Variants in ARHGAP21 observed in about 807,000 individuals in gnomAD.
ARHGAP21 encodes rho GTPase-activating protein 21.
A neutral mutation model predicts 164.6 loss-of-function variants in ARHGAP21; 38 were observed. The ratio of observed to expected loss-of-function variants is 0.23; its 90% confidence interval spans 0.18 to 0.30. The LOEUF is 0.30. ARHGAP21 is among the 10% of genes least tolerant of loss of function. The probability of loss-of-function intolerance (pLI) is 1.00; values close to 1 mark genes in which losing one functional copy is unlikely to be tolerated. For missense variants in ARHGAP21, 1,822 were observed against 2,370.7 expected (o/e 0.77, Z 4.81); for synonymous variants, 766 against 857.9 (o/e 0.89, Z 1.87).
intron 2 of ARHGAP21, among the ~76,000 whole-genome samples, chr10:24,714,919 A>G (rs1489909862): frequency 6.6e-6 from 1 of 151,628 alleles, no homozygotes; most frequent in African/African-American, 2.4e-5. Context: ...AGTCCCAGCT[A>G]CTCGGGAGGC....
At chr10:24,694,032 C>T (rs1842949802) in intron 2 of ARHGAP21, among the ~76,000 whole-genome samples, 3 of 152,122 alleles carry the variant, frequency 2.0e-5, no homozygotes, top group Admixed American at 2.0e-4. Context: ...ACACCAATGG[C>T]CCACTGAAAC....
At chr10:24,606,802 T>C (rs1252457741) in intron 11 of ARHGAP21, among the ~76,000 whole-genome samples, 1 of 152,086 alleles carries the variant, frequency 6.6e-6, no homozygotes, top group Non-Finnish European at 1.5e-5. Flanking sequence ...GATCGCACCA[T>C]TGCACTCCAG....
chr10:24,721,572 A>G (rs1845941663), intron 2 of ARHGAP21, among the ~76,000 whole-genome samples: 1 of 152,156 alleles, frequency 6.6e-6, no homozygotes, highest in South Asian at 2.1e-4. Flanking sequence ...GAGACGGGAG[A>G]ATTCCTGGCT....
chr10:24,709,037 G>A (rs777186591), intron 2 of ARHGAP21, among the ~76,000 whole-genome samples: 1 of 152,006 alleles, frequency 6.6e-6, no homozygotes, highest in Non-Finnish European at 1.5e-5. Context: ...AGAAAAGAGA[G>A]AAGACCCAAA....
At chr10:24,710,679 A>G (rs562136387) in intron 2 of ARHGAP21, among the ~76,000 whole-genome samples, 2 of 152,180 alleles carry the variant, frequency 1.3e-5, no homozygotes, top group African/African-American at 2.4e-5. Flanking sequence ...ACACTTCTAA[A>G]TATAACAGGA....
intron 21 of ARHGAP21, among the ~76,000 whole-genome samples, chr10:24,593,641 TAA>T (rs1387987490): frequency 1.6e-5 from 2 of 122,926 alleles, no homozygotes; most frequent in African/African-American, 5.7e-5. Context: ...TCAGTGTAAT[TAA>T]AGACACAAAA....
chr10:24,624,557 C>T (rs2131242491), intron 7 of ARHGAP21, among the ~76,000 whole-genome samples: 1 of 151,762 alleles, frequency 6.6e-6, no homozygotes, highest in Admixed American at 6.6e-5. Flanking sequence ...CCAGGTTGGT[C>T]TCGAACTCCT....
chr10:24,686,838 G>A (rs1373368934), intron 2 of ARHGAP21, among the ~76,000 whole-genome samples: 1 of 152,114 alleles, frequency 6.6e-6, no homozygotes, highest in Non-Finnish European at 1.5e-5. Context: ...TCCTTTCTCA[G>A]CACCAAAGTG....
intron 24 of ARHGAP21, chr10:24,590,150 G>A (rs1329074357): frequency 1.1e-5 from 15 of 1,348,524 alleles, no homozygotes; most frequent in South Asian, 5.8e-5. Flanking sequence ...CCCATGCCAC[G>A]CCCCTTTTAA....
At chr10:24,705,731 A>C (rs1052933602) in intron 2 of ARHGAP21, among the ~76,000 whole-genome samples, 1 of 152,228 alleles carries the variant, frequency 6.6e-6, no homozygotes, top group Non-Finnish European at 1.5e-5. Flanking sequence ...GAAGACAAAT[A>C]CCCACAAAGT....
chr10:24,635,964 T>C (rs1157842319), intron 4 of ARHGAP21, among the ~76,000 whole-genome samples: 3 of 152,106 alleles, frequency 2.0e-5, no homozygotes, highest in African/African-American at 4.8e-5. Context: ...AATAACAGTA[T>C]AGTATAAAAA....
chr10:24,606,958 G>GTATT (rs1208961231), intron 11 of ARHGAP21, among the ~76,000 whole-genome samples: 1 of 152,160 alleles, frequency 6.6e-6, no homozygotes, highest in Non-Finnish European at 1.5e-5. Context: ...AGTCAATGAA[G>GTATT]TATTTGTGAT....
intron 4 of ARHGAP21, among the ~76,000 whole-genome samples, chr10:24,641,025 A>G (rs1017093074): frequency 6.6e-6 from 1 of 152,186 alleles, no homozygotes; most frequent in Non-Finnish European, 1.5e-5. Context: ...GTGAAGCTGA[A>G]ATGTTAAGAT....
rs764367717 is a variant in ARHGAP21, at chr10:24,619,875, C to T, written c.2020G>A (p.Asp674Asn). 2.0e-5 allele frequency: 32 copies of T among 1,614,034 alleles called. No individual in the cohort carries two copies. In the South Asian group the frequency reaches 3.3e-4, roughly 17 times the overall value. ...GATTTCCCAGTCTCCACTTGCTGAT[C>T]GGGGGCACTGTCAGTCCTTACCCAT... ...QTWVRTDSAP[D>N]QQVETGKSPS... Residue 674 changes from aspartate to asparagine, a missense_variant, in exon 9 of 26, where the codon GAT becomes AAT. Transcript: ENST00000396432.
intron 9 of ARHGAP21, 40 bp from the exon 10 acceptor site, chr10:24,607,943 A>G (rs1333948349): frequency 2.0e-6 from 3 of 1,531,582 alleles, no homozygotes; most frequent in Non-Finnish European, 2.6e-6. Context: ...CAATGACCTA[A>G]TTGTTATTAA....
chr10:24,663,846 T>TG (rs920208724), intron 4 of ARHGAP21, among the ~76,000 whole-genome samples: 9 of 152,072 alleles, frequency 5.9e-5, no homozygotes, highest in Admixed American at 3.3e-4. Context: ...TTCTTTGTTG[T>TG]GGGGGGGCTG....
rs1245569430 is a variant in ARHGAP21, at chr10:24,591,919, G to C, written c.3970C>G (p.Gln1324Glu). 6.2e-7 allele frequency: 1 copy of C among 1,613,426 alleles called. No homozygotes were observed. The highest frequency in any genetic ancestry group is 8.5e-7 in the Non-Finnish European group (1 of 1,179,918). Residue 1324 changes from glutamine (Q) to glutamate (E), a missense_variant, in exon 22 of 26, where the codon CAG becomes GAG. Gln to Glu is a conservative substitution (Grantham distance 29). Coordinates refer to ENST00000396432, the MANE Select transcript of ARHGAP21 (RefSeq NM_020824.4). Reference sequence around the variant, plus strand: ...ATGAGCGTTTCTACAATCTTGTACTGGTCAGGCATGTGGGTGACCATGTGG... The same window carrying C: ...ATGAGCGTTTCTACAATCTTGTACTCGTCAGGCATGTGGGTGACCATGTGG... ...MTHMVTHMPDQYKIVETLIQH... is the reference protein window; with the variant it reads ...MTHMVTHMPDEYKIVETLIQH...
chr10:24,628,952 C>CTATATATA (rs71397962), intron 7 of ARHGAP21: 330 of 13,740 alleles, frequency 0.024, 19 homozygotes, highest in Admixed American at 0.036. Context: ...CACACACACA[C>CTATATATA]TATATATATA....
rs137998212 is a variant in ARHGAP21 at position 24,648,814 on chromosome 10, T to C, written c.269-13711A>G. The C allele has an allele frequency of 3.1e-4, 304 of 969,556 alleles. 1 individual carries two copies. In the African/African-American group the frequency reaches 5.3e-3, roughly 17 times the overall value. 60.1% of individuals were successfully genotyped at this position (969,556 alleles called of 1,614,324 possible). On this transcript the variant is annotated intron_variant, in intron 4 of 25. Coordinates refer to ENST00000396432, the MANE Select transcript of ARHGAP21 (RefSeq NM_020824.4). ...AAAAAAAAATCATCATAGGTCAAAA[T>C]GTATATATATTCTTACCATCACAGC...
Sources: allele counts gnomAD v4.1 joint callset (sites outside exome capture counted in the v4.1 genomes callset), GRCh38; gene constraint gnomAD v4.1.1; transcripts MANE v1.5; gene names NCBI Gene and HGNC (gene_info 2026-07-23, HGNC 2026-07-21).